Variants in PALLD observed in about 807,000 individuals in gnomAD.
PALLD encodes palladin.
Under a neutral mutation model 123.5 loss-of-function variants are expected in PALLD, and 61 were observed. That is an observed-to-expected ratio of 0.49 (90% confidence interval 0.40 to 0.61). The LOEUF (loss-of-function observed/expected upper bound fraction) is 0.61, where lower values mean the gene tolerates loss of function less well. Ranked by LOEUF, PALLD falls within the 20% of genes least tolerant of loss-of-function variation. The pLI, the probability that PALLD is intolerant of heterozygous loss-of-function variation, is 0.00. For synonymous variants in PALLD, 465 were observed against 496.4 expected (o/e 0.94, Z 0.84); for missense variants, 1,273 against 1,377.0 (o/e 0.92, Z 1.20).
intron 2 of PALLD, among the ~76,000 whole-genome samples, chr4:168,562,467 G>A (rs898744393): frequency 2.0e-5 from 3 of 152,142 alleles, no homozygotes; most frequent in African/African-American, 7.2e-5. Flanking sequence ...AGAGGAAAAA[G>A]ATAGCAAATA....
intron 11 of PALLD, among the ~76,000 whole-genome samples, chr4:168,893,402 A>G (rs191414808): frequency 1.3e-5 from 2 of 152,246 alleles, no homozygotes; most frequent in Admixed American, 6.5e-5. Context: ...CTGCAGGACT[A>G]TTTGTCATTT....
chr4:168,783,934 A>G lies in PALLD; in HGVS notation c.1964+72011A>G, dbSNP rs114983672. ...CCCTGATCCCAAATGAGTGATCAGT[A>G]AGTGAGGAATGTAAAAGGTAACTCC... On this transcript the variant is annotated intron_variant, in intron 10 of 21. Transcript: ENST00000505667. Among the ~76,000 whole-genome samples the G allele has an allele frequency of 7.9e-3, 1,206 of 152,236 alleles. 6 individuals carry two copies. The highest frequency in any genetic ancestry group is 0.024 in the Middle Eastern group (7 of 294).
intron 2 of PALLD, among the ~76,000 whole-genome samples, chr4:168,659,221 G>A (rs1020891646): frequency 2.9e-4 from 44 of 152,224 alleles, no homozygotes; most frequent in Non-Finnish European, 6.5e-4. Context: ...CGTTTTGGTG[G>A]TTCTCCAGTT....
intron 2 of PALLD, among the ~76,000 whole-genome samples, chr4:168,595,137 T>C (rs1410490322): frequency 6.6e-6 from 1 of 152,174 alleles, no homozygotes; most frequent in Non-Finnish European, 1.5e-5. Context: ...AATAAATGTT[T>C]GCTGTCCTTG....
chr4:168,647,901 T>C (rs1436131894), intron 2 of PALLD: 2 of 152,234 alleles, frequency 1.3e-5, no homozygotes, highest in African/African-American at 4.8e-5. Flanking sequence ...ACTCCTCAAG[T>C]TGAAAAGCTC....
At chr4:168,551,219 AT>A (rs1454723565) in intron 2 of PALLD, among the ~76,000 whole-genome samples, 2 of 152,182 alleles carry the variant, frequency 1.3e-5, no homozygotes, top group Non-Finnish European at 2.9e-5. Flanking sequence ...TTGAATATGA[AT>A]TATATTTTCA....
intron 1 of PALLD, among the ~76,000 whole-genome samples, chr4:168,502,692 G>A (rs1189283372): frequency 6.6e-6 from 1 of 152,138 alleles, no homozygotes; most frequent in Non-Finnish European, 1.5e-5. Flanking sequence ...TTGAGTCCAG[G>A]AGTTTGAGAC....
intron 10 of PALLD, among the ~76,000 whole-genome samples, chr4:168,779,414 C>T (rs868393556): frequency 6.6e-6 from 1 of 151,878 alleles, no homozygotes; most frequent in Admixed American, 6.6e-5. Flanking sequence ...GAAAACATTC[C>T]TATGTTTTAT....
At chr4:168,808,806 A>T (rs1348907139) in intron 10 of PALLD, among the ~76,000 whole-genome samples, 1 of 152,160 alleles carries the variant, frequency 6.6e-6, no homozygotes, top group Non-Finnish European at 1.5e-5. Flanking sequence ...CTACTACAAT[A>T]ACAGTATGGA....
intron 10 of PALLD, among the ~76,000 whole-genome samples, chr4:168,783,531 G>A (rs1016740448): frequency 6.6e-6 from 1 of 152,074 alleles, no homozygotes; most frequent in African/African-American, 2.4e-5. Flanking sequence ...CAGAGAAAAC[G>A]AATAGTTAAA....
chr4:168,626,714 G>GAAAA (rs767084915), intron 2 of PALLD, among the ~76,000 whole-genome samples: 4 of 100,390 alleles, frequency 4.0e-5, no homozygotes, highest in African/African-American at 1.1e-4. Context: ...CTGCCTCCAG[G>GAAAA]AAAAAAAAAA....
intron 8 of PALLD, among the ~76,000 whole-genome samples, chr4:168,697,966 C>A (rs1783302057): frequency 6.6e-6 from 1 of 152,136 alleles, no homozygotes; most frequent in African/African-American, 2.4e-5. Flanking sequence ...TGGAAGCAAC[C>A]TAAGTATCCA....
chr4:168,871,103 G>C (rs1446767551), intron 10 of PALLD, among the ~76,000 whole-genome samples: 1 of 152,164 alleles, frequency 6.6e-6, no homozygotes, highest in African/African-American at 2.4e-5. Context: ...TTTGGAAAGA[G>C]ATGACACTCT....
chr4:168,663,071 T>C (rs1238207838), intron 2 of PALLD, among the ~76,000 whole-genome samples: 1 of 152,256 alleles, frequency 6.6e-6, no homozygotes, highest in Non-Finnish European at 1.5e-5. Flanking sequence ...GATATTAAAC[T>C]ATTTGTTCAG....
chr4:168,911,469 C>T (rs1198221274), intron 15 of PALLD, among the ~76,000 whole-genome samples: 1 of 152,150 alleles, frequency 6.6e-6, no homozygotes, highest in African/African-American at 2.4e-5. Flanking sequence ...CACATCAGGA[C>T]AATTGGAAGC....
At chr4:168,497,259 A>C (rs1222170756) in intron 1 of PALLD, 65 bp downstream of exon 1, 3 of 152,174 alleles carry the variant, frequency 2.0e-5, no homozygotes, top group African/African-American at 7.2e-5. Context: ...AAAAAAAAAA[A>C]AACTAAAAAT....
intron 2 of PALLD, among the ~76,000 whole-genome samples, chr4:168,621,567 G>C (rs2149797353): frequency 6.6e-6 from 1 of 152,244 alleles, no homozygotes; most frequent in Non-Finnish European, 1.5e-5. Flanking sequence ...AAGCTTTGCT[G>C]TTTATGGAAA....
Position 168,927,520 on chromosome 4 carries a change from T to G in PALLD, c.*1340T>G, listed in dbSNP as rs1762712866. ...ACTGCATGGTGGCATAAATGAGAAATTGCCTGTAGCATCTAGTCTACTTGA... is the reference window on the plus strand; with the variant it reads ...ACTGCATGGTGGCATAAATGAGAAAGTGCCTGTAGCATCTAGTCTACTTGA... On this transcript the variant is annotated 3_prime_UTR_variant, in exon 22 of 22. Coordinates refer to ENST00000505667, the MANE Select transcript of PALLD (RefSeq NM_001166108.2). 2 of 231,638 alleles carry G rather than the reference T, an allele frequency of 8.6e-6. No individual in the cohort carries two copies. Among genetic ancestry groups the G allele is most frequent in the Admixed American group, 5.6e-5 (1 of 17,708 alleles). The allele number at this position is 231,638 out of a possible 1,614,324, so 14.3% of individuals were successfully genotyped here.
chr4:168,525,374 G>A (rs1208419408), intron 2 of PALLD, among the ~76,000 whole-genome samples: 17 of 152,324 alleles, frequency 1.1e-4, no homozygotes, highest in Non-Finnish European at 2.9e-5. Context: ...AGCCTAAAAA[G>A]TCAATGAGCA....
Sources: gnomAD v4.1 joint callset for allele counts (sites outside exome capture counted in the v4.1 genomes callset) on GRCh38, gnomAD v4.1.1 for gene constraint, MANE v1.5 for transcripts, NCBI Gene and HGNC (gene_info 2026-07-23, HGNC 2026-07-21) for gene names.